Variants in NOL9 observed in about 807,000 individuals in gnomAD.
NOL9 encodes the protein nucleolar protein 9.
Under a neutral mutation model 67.9 loss-of-function variants are expected in NOL9, and 28 were observed. The ratio of observed to expected loss-of-function variants is 0.41; its 90% CI spans 0.31 to 0.57. The LOEUF (loss-of-function observed/expected upper bound fraction) is 0.57. NOL9 is among the 20% of genes least tolerant of loss of function. NOL9 has a pLI of 0.25. For missense variants in NOL9, 777 were observed against 897.0 expected (o/e 0.87, Z 1.71); for synonymous variants, 356 against 352.2 (o/e 1.01, Z -0.12).
Position 6,547,275 on chromosome 1 carries a change from G to C in NOL9, c.745-2095C>G, listed in dbSNP as rs1639439379. Among the ~76,000 whole-genome samples, 4 of 152,080 alleles carry C rather than the reference G, an allele frequency of 2.6e-5. No individual in the cohort carries two copies. The South Asian group carries it at 8.3e-4, about 31-fold the overall frequency. ...GGCCCACATATTCAACTGCCCACTT[G>C]ACATGTCCAGCTGATGTCTACCAGG... is the stretch of plus-strand genomic sequence containing the variant. On this transcript the variant is annotated intron_variant, in intron 3 of 11. Coordinates refer to ENST00000377705, the MANE Select transcript of NOL9 (RefSeq NM_024654.5).
chr1:6,541,902 A>C lies in NOL9; in HGVS notation c.1003T>G (p.Cys335Gly). The change falls in exon 6 of 12, where the codon TGT becomes GGT. Residue 335 changes from cysteine to glycine, a missense_variant. Cys to Gly is a radical substitution (Grantham distance 159). This residue lies in a region of NOL9 where 413 missense variants were observed against 552.6 expected (regional missense o/e 0.75). Transcript: ENST00000377705. ...NSLPCVDYLECDLGQTEFTPP... is the reference protein window; with the variant it reads ...NSLPCVDYLEGDLGQTEFTPP... The stretch of plus-strand genomic sequence containing the variant: ...GTAAATTCTGTCTGTCCCAGATCAC[A>C]TTCCAAATAGTCAACGCAGGGAAGA... The C allele has an allele frequency of 6.2e-7, 1 of 1,605,770 alleles. No individual in the cohort carries two copies.
chr1:6,548,491 C>T (rs1215824757), intron 3 of NOL9: 1 of 240,276 alleles, frequency 4.2e-6, no homozygotes, highest in East Asian at 1.0e-4. Flanking sequence ...AAAACCATGT[C>T]AGCAGAGCCT....
At chr1:6,550,919 G>C (rs371448015) in intron 1 of NOL9, among the ~76,000 whole-genome samples, 2 of 152,004 alleles carry the variant, frequency 1.3e-5, no homozygotes, top group Middle Eastern at 3.4e-3. Flanking sequence ...CCGACCTCAG[G>C]TGATCCATCC....
intron 5 of NOL9, among the ~76,000 whole-genome samples, chr1:6,543,007 C>A (rs1389683034): frequency 6.6e-6 from 1 of 152,016 alleles, no homozygotes; most frequent in Non-Finnish European, 1.5e-5. Context: ...AATACTCCCT[C>A]CTTAGCCTCC....
Position 6,525,762 on chromosome 1 carries a change from A to G in NOL9, c.*92T>C. On this transcript the variant is annotated 3_prime_UTR_variant, in exon 12 of 12. Transcript: ENST00000377705. ...ACTGTTGCTAATAAGGGCACCATTC[A>G]TGGCCATGAAACTCCATCATGTCTC... The G allele has an allele frequency of 7.5e-7, 1 of 1,337,654 alleles. No individual in the cohort carries two copies. The highest frequency in any genetic ancestry group is 1.1e-6 in the Non-Finnish European group (1 of 942,370). 82.9% of individuals were successfully genotyped at this position (1,337,654 alleles called of 1,614,324 possible). A position where few individuals can be genotyped will look rare whatever the true frequency, so the allele number is the denominator to read the frequency against.
chr1:6,549,777 G>C (rs1007672791), intron 2 of NOL9, 79 bp from the exon 3 acceptor site: 125 of 1,552,166 alleles, frequency 8.1e-5, no homozygotes, highest in Middle Eastern at 3.4e-4. Flanking sequence ...CATCTCCTCG[G>C]CTAAACTATA....
intron 10 of NOL9, among the ~76,000 whole-genome samples, chr1:6,527,168 AC>A (rs1260453203): frequency 2.0e-5 from 3 of 150,590 alleles, no homozygotes; most frequent in Non-Finnish European, 4.4e-5. Context: ...AATAGCTTGA[AC>A]CCGGGAGGTG....
At position 6,541,939 on chromosome 1, in the gene NOL9, T is replaced by TA. The variant is rs747891172; in HGVS notation, c.978-13dup. The TA allele has an allele frequency of 6.4e-7, 1 of 1,551,236 alleles. No individual in the cohort carries two copies. The highest frequency in any genetic ancestry group is 1.2e-5 in the South Asian group (1 of 82,540). On this transcript the variant is annotated splice_polypyrimidine_tract_variant and intron_variant, in intron 5 of 11. Coordinates refer to ENST00000377705, the MANE Select transcript of NOL9 (RefSeq NM_024654.5). ...CAACGCAGGGAAGACTGCAAATTTT[T>TA]AAAAAAGAAAAAAGAAAGAAAATCC...
chr1:6,554,424 G>C lies in NOL9; in HGVS notation c.79C>G (p.Leu27Val). 6.5e-7 allele frequency: 1 copy of C among 1,540,960 alleles called. No individual in the cohort carries two copies. The highest frequency in any genetic ancestry group is 1.2e-5 in the South Asian group (1 of 84,434). The change falls in exon 1 of 12, where the codon CTC (leucine) becomes GTC (valine). Residue 27 changes from leucine to valine, a missense_variant. By Grantham distance (32) the Leu-to-Val change is conservative (BLOSUM62 1). Around this residue, in one of 2 missense-constraint regions of NOL9, gnomAD observed 364 missense variants for 344.4 expected, o/e 1.06. Coordinates refer to ENST00000377705, the MANE Select transcript of NOL9 (RefSeq NM_024654.5). ...CGGCGGGGCCGGCGGCTGAGGATGAGCTGGGGCCGGGCCTTGCGGACCCGC... is the reference window on the plus strand; with the variant it reads ...CGGCGGGGCCGGCGGCTGAGGATGACCTGGGGCCGGGCCTTGCGGACCCGC... The part of the protein sequence containing the change: ...WLRVRKARPQ[L>V]ILSRRPRRRL...
chr1:6,535,439 C>G (rs990957468), intron 6 of NOL9, among the ~76,000 whole-genome samples: 1 of 152,084 alleles, frequency 6.6e-6, no homozygotes, highest in Non-Finnish European at 1.5e-5. Context: ...ATGGAGTAGC[C>G]AGGGTCAGTA....
rs768053618 is a variant in NOL9, at chr1:6,529,185, T to G, written c.1648-14A>C. On this transcript the variant is annotated splice_polypyrimidine_tract_variant and intron_variant, in intron 9 of 11. Transcript: ENST00000377705. ...ATTGAAAGGGACCTGGAAAATGAAT[T>G]TGCATCTCACTCTATTCATGGCTAC... 1 of 1,607,404 alleles carries G rather than the reference T, an allele frequency of 6.2e-7. No individual in the cohort carries two copies. The highest frequency in any genetic ancestry group is 2.2e-5 in the East Asian group (1 of 44,732).
In NOL9 at chr1:6,554,415, T is replaced by C. The variant is rs2148664095; in HGVS notation, c.88A>G (p.Ser30Gly). 3.9e-6 allele frequency: 6 copies of C among 1,521,540 alleles called. No individual in the cohort carries two copies. Among genetic ancestry groups the C allele is most frequent in the African/African-American group, 1.4e-5 (1 of 69,396 alleles). 94.3% of individuals were successfully genotyped at this position (1,521,540 alleles called of 1,614,324 possible). Residue 30 changes from serine (S) to glycine (G), a missense_variant, in exon 1 of 12, where the codon AGC becomes GGC. Around this residue, in one of 2 missense-constraint regions of NOL9, gnomAD observed 364 missense variants for 344.4 expected, o/e 1.06. Transcript: ENST00000377705. The stretch of plus-strand genomic sequence containing the variant: ...CCGAGCCGGCGGCGGGGCCGGCGGC[T>C]GAGGATGAGCTGGGGCCGGGCCTTG... ...VRKARPQLIL[S>G]RRPRRRLGSL... is the part of the protein sequence containing the mutation.
intron 5 of NOL9, among the ~76,000 whole-genome samples, chr1:6,543,443 C>A (rs1639345599): frequency 6.6e-6 from 1 of 151,950 alleles, no homozygotes; most frequent in Non-Finnish European, 1.5e-5. Context: ...GATCTGCCCG[C>A]CTCAGCATCC....
At chr1:6,531,661 G>C (rs549147513) in intron 9 of NOL9, among the ~76,000 whole-genome samples, 1 of 152,094 alleles carries the variant, frequency 6.6e-6, no homozygotes, top group Non-Finnish European at 1.5e-5. Context: ...CGACCAGATG[G>C]GACATTCAAA....
At chr1:6,536,337 C>T (rs1639156285) in intron 6 of NOL9, among the ~76,000 whole-genome samples, 1 of 144,072 alleles carries the variant, frequency 6.9e-6, no homozygotes, top group Admixed American at 7.6e-5. Context: ...CAGAGCGAGA[C>T]TCCGTCTCAA....
In NOL9 at chr1:6,525,962, G is replaced by T; in HGVS notation, c.2001C>A (p.Tyr667Ter). ...EGTVPYVTTD[Y>*]NFKLPGASEK... ...CTGATGCTCCAGGAAGTTTAAAATTGTAATCCGTTGTGACATAAGGTACTG... is the reference window on the plus strand; with the variant it reads ...CTGATGCTCCAGGAAGTTTAAAATTTTAATCCGTTGTGACATAAGGTACTG... The change falls in exon 12 of 12, where the codon TAC becomes TAA. Residue 667 changes from tyrosine (Y) to a stop codon, truncating the protein, a stop_gained. Coordinates refer to ENST00000377705, the MANE Select transcript of NOL9 (RefSeq NM_024654.5). LOFTEE classifies it low-confidence loss of function (END_TRUNC). 1 of 1,613,944 alleles carries T rather than the reference G, an allele frequency of 6.2e-7. No homozygotes were observed. Among genetic ancestry groups the T allele is most frequent in the South Asian group, 1.1e-5 (1 of 91,072 alleles).
chr1:6,537,917 A>C (rs1639190423), intron 6 of NOL9, among the ~76,000 whole-genome samples: 1 of 147,088 alleles, frequency 6.8e-6, no homozygotes, highest in African/African-American at 2.5e-5. Flanking sequence ...AGGTCAGGAG[A>C]TTGAGACCAT....
intron 11 of NOL9, 106 bp from the exon 12 acceptor site, chr1:6,526,109 G>A: frequency 1.0e-6 from 1 of 999,866 alleles, no homozygotes; most frequent in East Asian, 2.4e-5. Context: ...GATGGTCTGG[G>A]TGGGGACTTC....
chr1:6,533,533 T>C (rs890827009), intron 6 of NOL9, 92 bp from the exon 7 acceptor site: 1 of 944,220 alleles, frequency 1.1e-6, no homozygotes, highest in South Asian at 2.4e-5. Context: ...TCAGCCGTTA[T>C]CACTGACAAA....
Sources: gnomAD v4.1 joint callset for allele counts (sites outside exome capture counted in the v4.1 genomes callset) on GRCh38, gnomAD v4.1.1 for gene constraint, gnomAD v4.1.1 regional missense constraint, MANE v1.5 for transcripts, NCBI Gene and HGNC (gene_info 2026-07-23, HGNC 2026-07-21) for gene names.